The following HMCN1 variants were observed in gnomAD, a reference collection of about 807,000 sequenced individuals.
HMCN1 encodes the protein hemicentin-1.
HMCN1 carries 321 observed loss-of-function variants against 625.9 expected under a neutral mutation model. That is an observed-to-expected ratio of 0.51 (90% CI 0.47 to 0.56). The LOEUF (loss-of-function observed/expected upper bound fraction) is 0.56. Among genes scored for constraint, HMCN1 ranks in the 20% least tolerant of loss-of-function variants. HMCN1 has a pLI of 0.00. For synonymous variants in HMCN1, 2,425 were observed against 2,417.6 expected, an observed-to-expected ratio of 1.00 and a Z score of -0.09; for missense variants, 6,588 against 6,887.3, an observed-to-expected ratio of 0.96 and a Z score of 1.54.
intron 1 of HMCN1, among the ~76,000 whole-genome samples, chr1:185,823,615 G>A (rs1660332617): frequency 6.6e-6 from 1 of 152,052 alleles, no homozygotes; most frequent in Non-Finnish European, 1.5e-5. Context: ...TTGGCTTTGT[G>A]GTTTTAGTGA....
At chr1:185,755,860 G>A (rs1249038775) in intron 1 of HMCN1, among the ~76,000 whole-genome samples, 2 of 152,184 alleles carry the variant, frequency 1.3e-5, no homozygotes, top group Non-Finnish European at 2.9e-5. Flanking sequence ...TTTTCCCAGT[G>A]TTACGGCCTT....
intron 48 of HMCN1, among the ~76,000 whole-genome samples, chr1:186,063,077 T>TATA (rs1558188077): frequency 2.1e-5 from 2 of 94,006 alleles, no homozygotes; most frequent in African/African-American, 8.7e-5. Context: ...CATATATATA[T>TATA]ATATATATAT....
rs142820504 is a variant in HMCN1, at chr1:186,083,845, G to C, written c.8884+884G>C. On this transcript the variant is annotated intron_variant, in intron 57 of 106. Transcript: ENST00000271588. ...TTTTAATTCCCGTTCTTAGCACAGTGAGTAACACACTGTAGATGCTTAATA... is the reference window on the plus strand; with the variant it reads ...TTTTAATTCCCGTTCTTAGCACAGTCAGTAACACACTGTAGATGCTTAATA... 3.7e-3 allele frequency among the ~76,000 whole-genome samples: 568 copies of C among 152,244 alleles called. 4 individuals carry two copies. The highest frequency in any genetic ancestry group is 0.013 in the African/African-American group (541 of 41,560).
chr1:185,781,574 CAT>C (rs943393711), intron 1 of HMCN1, among the ~76,000 whole-genome samples: 3 of 152,194 alleles, frequency 2.0e-5, no homozygotes, highest in Non-Finnish European at 4.4e-5. Context: ...TTTCAAAGAA[CAT>C]ATTTATTTCT....
chr1:185,826,635 T>A (rs1261207326), intron 1 of HMCN1, among the ~76,000 whole-genome samples: 1 of 152,178 alleles, frequency 6.6e-6, no homozygotes, highest in Admixed American at 6.5e-5. Flanking sequence ...CATGAAAACA[T>A]AGACCAGTCT....
chr1:185,902,405 C>CTATCTATCTATCTATCTCTATCTATCTA, intron 4 of HMCN1, among the ~76,000 whole-genome samples: 1 of 145,358 alleles, frequency 6.9e-6, no homozygotes. Context: ...ATCTATCTAT[C>CTATCTATCTATCTATCTCTATCTATCTA]TCTATCTATC....
chr1:185,919,466 T>A (rs1666893602), intron 6 of HMCN1, among the ~76,000 whole-genome samples: 3 of 152,178 alleles, frequency 2.0e-5, no homozygotes, highest in Admixed American at 1.3e-4. Context: ...TTTGGTAGAT[T>A]TACTCGTAGA....
At chr1:186,119,976 T>C (rs1187871830) in intron 79 of HMCN1, 35 bp from the exon 80 acceptor site, 1 of 1,614,016 alleles carries the variant, frequency 6.2e-7, no homozygotes, top group East Asian at 2.2e-5. Context: ...CAGGCTTTTT[T>C]TTTTCCCCAC....
intron 1 of HMCN1, among the ~76,000 whole-genome samples, chr1:185,844,123 A>G (rs1383721523): frequency 6.6e-6 from 1 of 152,170 alleles, no homozygotes; most frequent in African/African-American, 2.4e-5. Flanking sequence ...AATGCTACTG[A>G]CAATTTATAT....
At chr1:185,845,677 C>A (rs1028153405) in intron 1 of HMCN1, among the ~76,000 whole-genome samples, 1 of 152,130 alleles carries the variant, frequency 6.6e-6, no homozygotes, top group African/African-American at 2.4e-5. Flanking sequence ...GAATTATAGA[C>A]GAATAAGTGA....
chr1:186,042,630 G>A (rs1656282867), intron 40 of HMCN1, among the ~76,000 whole-genome samples: 1 of 152,034 alleles, frequency 6.6e-6, no homozygotes, highest in South Asian at 2.1e-4. Context: ...AAGGTCAAAT[G>A]GCTAGCTGAT....
chr1:186,160,727 A>G (rs1437133491), intron 97 of HMCN1, among the ~76,000 whole-genome samples: 1 of 152,072 alleles, frequency 6.6e-6, no homozygotes, highest in African/African-American at 2.4e-5. Context: ...GTAGTTAAGC[A>G]GTTTTGAGTG....
At chr1:186,057,031 T>TCA (rs59926356) in intron 45 of HMCN1, among the ~76,000 whole-genome samples, 14,484 of 147,780 alleles carry the variant, frequency 0.098, 838 homozygotes, top group Middle Eastern at 0.18. Context: ...TCCAGGAATG[T>TCA]CACACACACA....
chr1:185,849,438 C>T (rs544243838), intron 2 of HMCN1, among the ~76,000 whole-genome samples: 19 of 152,042 alleles, frequency 1.2e-4, no homozygotes, highest in Non-Finnish European at 2.5e-4. Flanking sequence ...TGAAGGACTG[C>T]GTATAATTTA....
chr1:186,113,440 A>AC (rs1189357980), intron 72 of HMCN1, among the ~76,000 whole-genome samples: 1 of 152,246 alleles, frequency 6.6e-6, no homozygotes, highest in Non-Finnish European at 1.5e-5. Flanking sequence ...ATAAAATTTT[A>AC]CAGAATATTG....
intron 1 of HMCN1, among the ~76,000 whole-genome samples, chr1:185,770,399 G>C (rs1466894986): frequency 6.6e-6 from 1 of 152,164 alleles, no homozygotes; most frequent in African/African-American, 2.4e-5. Context: ...AAAGTGTGCT[G>C]TATAAATGTT....
At chr1:185,815,634 T>C (rs1389886796) in intron 1 of HMCN1, among the ~76,000 whole-genome samples, 1 of 149,786 alleles carries the variant, frequency 6.7e-6, no homozygotes, top group Non-Finnish European at 1.5e-5. Context: ...TTCTAGGTCT[T>C]AATATCAACA....
chr1:185,928,100 G>C (rs1313484121), intron 9 of HMCN1, among the ~76,000 whole-genome samples: 2 of 152,038 alleles, frequency 1.3e-5, no homozygotes, highest in Non-Finnish European at 2.9e-5. Context: ...CTAAAAGAAA[G>C]TTAAGGAGAA....
At chr1:185,818,206 C>T (rs1185981801) in intron 1 of HMCN1, among the ~76,000 whole-genome samples, 2 of 152,136 alleles carry the variant, frequency 1.3e-5, no homozygotes, top group African/African-American at 2.4e-5. Flanking sequence ...CATTCCAAGC[C>T]TCACTGTGGC....
Sources: gnomAD v4.1 joint callset for allele counts (sites outside exome capture counted in the v4.1 genomes callset) on GRCh38, gnomAD v4.1.1 for gene constraint, MANE v1.5 for transcripts, NCBI Gene and HGNC (gene_info 2026-07-23, HGNC 2026-07-21) for gene names.